Variants in CDC42SE2 observed in about 807,000 individuals in gnomAD.
The protein encoded by CDC42SE2 is CDC42 small effector 2, also known as CDC42 small effector protein 2.
A neutral mutation model predicts 11.5 loss-of-function variants in CDC42SE2; 3 were observed. The ratio of observed to expected loss-of-function variants is 0.26; its 90% confidence interval spans 0.12 to 0.67. CDC42SE2 has a LOEUF of 0.67. Ranked by LOEUF, CDC42SE2 falls within the 30% of genes least tolerant of loss-of-function variation. CDC42SE2 has a pLI of 0.80. For missense variants in CDC42SE2, 82 were observed against 106.8 expected, an observed-to-expected ratio of 0.77 and a Z score of 1.02; for synonymous variants, 33 against 34.8, an observed-to-expected ratio of 0.95 and a Z score of 0.18.
chr5:131,301,895 G>C lies in CDC42SE2; in HGVS notation c.-454-14081G>C, dbSNP rs538466967. On this transcript the variant is annotated intron_variant, in intron 1 of 4. Coordinates refer to ENST00000505065, the MANE Select transcript of CDC42SE2 (RefSeq NM_001375635.1). Reference sequence around the variant, plus strand: ...ATACCCCTATTTTTTGAGGCATGGAGAGAGGGGAATAACCTGTCTGAAATC... The same window carrying C: ...ATACCCCTATTTTTTGAGGCATGGACAGAGGGGAATAACCTGTCTGAAATC... Among the ~76,000 whole-genome samples the C allele has an allele frequency of 2.6e-5, 4 of 152,242 alleles. No individual in the cohort carries two copies. In the South Asian group the frequency reaches 8.3e-4, roughly 32 times the overall value.
chr5:131,390,168 TAATA>T (rs1267563338), intron 4 of CDC42SE2, among the ~76,000 whole-genome samples: 1 of 152,214 alleles, frequency 6.6e-6, no homozygotes. Context: ...GTTACAATAT[TAATA>T]AATAAACTGG....
chr5:131,350,563 T>C (rs1758981388), intron 2 of CDC42SE2, among the ~76,000 whole-genome samples: 1 of 151,998 alleles, frequency 6.6e-6, no homozygotes, highest in East Asian at 1.9e-4. Flanking sequence ...CGCCCTGATA[T>C]GAACGGTATA....
the CDC42SE2 span, among the ~76,000 whole-genome samples, chr5:131,217,402 T>G: frequency 1.3e-5 from 2 of 152,360 alleles, no homozygotes; most frequent in East Asian, 3.9e-4. Flanking sequence ...ATTTGGCACA[T>G]AATTATACAT....
upstream of CDC42SE2, among the ~76,000 whole-genome samples, chr5:131,259,350 A>G (rs1285915082): frequency 6.6e-6 from 1 of 152,216 alleles, no homozygotes; most frequent in East Asian, 1.9e-4. Context: ...TTCTTGGAGT[A>G]TGCCTGTTAT....
chr5:131,265,038 A>G (rs559901154), intron 1 of CDC42SE2, among the ~76,000 whole-genome samples: 93 of 152,308 alleles, frequency 6.1e-4, no homozygotes, highest in African/African-American at 2.2e-3. Flanking sequence ...GAAATATCAG[A>G]CAAAGCTTAT....
At chr5:131,320,862 G>A (rs549488661) in intron 2 of CDC42SE2, among the ~76,000 whole-genome samples, 3 of 152,286 alleles carry the variant, frequency 2.0e-5, no homozygotes, top group South Asian at 2.1e-4. Context: ...ATGAAAGCAC[G>A]TATCGGATCA....
intron 1 of CDC42SE2, among the ~76,000 whole-genome samples, chr5:131,313,335 C>G (rs1427729660): frequency 2.6e-5 from 4 of 152,120 alleles, no homozygotes; most frequent in African/African-American, 9.7e-5. Context: ...GCTTATCTTT[C>G]ATTCTGTTAA....
chr5:131,266,715 C>T (rs576406206), intron 1 of CDC42SE2, among the ~76,000 whole-genome samples: 1 of 152,068 alleles, frequency 6.6e-6, no homozygotes, highest in South Asian at 2.1e-4. Context: ...GCCTCGGCCT[C>T]CCAAAGTGTG....
intron 2 of CDC42SE2, among the ~76,000 whole-genome samples, chr5:131,333,991 C>CT (rs1561587948): frequency 6.6e-6 from 1 of 152,118 alleles, no homozygotes; most frequent in Non-Finnish European, 1.5e-5. Context: ...CCAGAACTTC[C>CT]AACACTATGT....
At chr5:131,248,397 A>G (rs1756613653) in intron 1 of CDC42SE2, among the ~76,000 whole-genome samples, 1 of 152,126 alleles carries the variant, frequency 6.6e-6, no homozygotes, top group Admixed American at 6.6e-5. Flanking sequence ...CTGGCCTCCC[A>G]AAGTGCTGGG....
intron 3 of CDC42SE2, among the ~76,000 whole-genome samples, chr5:131,368,561 G>A (rs1473429833): frequency 6.6e-6 from 1 of 152,118 alleles, no homozygotes; most frequent in African/African-American, 2.4e-5. Flanking sequence ...TTGGGATTTG[G>A]ATTAGACCTG....
At chr5:131,345,240 G>C (rs767058315) in intron 2 of CDC42SE2, among the ~76,000 whole-genome samples, 2 of 152,098 alleles carry the variant, frequency 1.3e-5, no homozygotes, top group Non-Finnish European at 2.9e-5. Flanking sequence ...CTATCGCAAA[G>C]AAGCTAAAAA....
At chr5:131,321,552 G>A (rs1025573624) in intron 2 of CDC42SE2, among the ~76,000 whole-genome samples, 3 of 152,226 alleles carry the variant, frequency 2.0e-5, no homozygotes, top group African/African-American at 7.2e-5. Context: ...AAAGGTGCCC[G>A]TGATGTATAA....
intron 3 of CDC42SE2, among the ~76,000 whole-genome samples, chr5:131,381,544 A>T (rs2149786644): frequency 6.6e-6 from 1 of 152,194 alleles, no homozygotes; most frequent in South Asian, 2.1e-4. Flanking sequence ...GCTGGTCTCG[A>T]ACTCTTGACC....
chr5:131,340,457 ATT>A (rs1480545087), intron 2 of CDC42SE2, among the ~76,000 whole-genome samples: 1 of 152,136 alleles, frequency 6.6e-6, no homozygotes, highest in Non-Finnish European at 1.5e-5. Flanking sequence ...GCCTTGGAGC[ATT>A]ATCTTTCATG....
upstream of CDC42SE2, among the ~76,000 whole-genome samples, chr5:131,241,163 A>G (rs1225800593): frequency 1.3e-5 from 2 of 151,494 alleles, no homozygotes; most frequent in African/African-American, 4.9e-5. Context: ...TATTTTTAGT[A>G]GAGAAGGGGT....
chr5:131,344,394 G>A (rs898513674), intron 2 of CDC42SE2, among the ~76,000 whole-genome samples: 24 of 152,144 alleles, frequency 1.6e-4, no homozygotes, highest in Admixed American at 1.3e-4. Flanking sequence ...ACGGAGCCTC[G>A]CTCACTGCTA....
upstream of CDC42SE2, among the ~76,000 whole-genome samples, chr5:131,241,019 C>A (rs1450964895): frequency 6.6e-6 from 1 of 152,104 alleles, no homozygotes; most frequent in South Asian, 2.1e-4. Flanking sequence ...TGCTCTGTCG[C>A]CCAGGCTGGA....
chr5:131,340,782 A>G (rs6884108), intron 2 of CDC42SE2, among the ~76,000 whole-genome samples: 18,940 of 151,464 alleles, frequency 0.13, 2,769 homozygotes, highest in African/African-American at 0.35. Flanking sequence ...GGTGCAAGCG[A>G]TTCTTGTGCC....
Sources: gnomAD v4.1 joint callset for allele counts (sites outside exome capture counted in the v4.1 genomes callset) on GRCh38, gnomAD v4.1.1 for gene constraint, MANE v1.5 for transcripts, NCBI Gene and HGNC (gene_info 2026-07-23, HGNC 2026-07-21) for gene names.